The following CTNNA2 variants were observed in gnomAD, a reference collection of about 807,000 sequenced individuals.
CTNNA2 encodes the protein catenin alpha 2, also known as catenin alpha-2.
Under a neutral mutation model 101.0 loss-of-function variants are expected in CTNNA2, and 42 were observed. That is an observed-to-expected ratio of 0.42 (90% confidence interval 0.32 to 0.54). CTNNA2 has a LOEUF of 0.54. Ranked by LOEUF, CTNNA2 falls within the 20% of genes least tolerant of loss-of-function variation. The probability of loss-of-function intolerance (pLI) is 0.14; values close to 1 mark genes in which losing one functional copy is unlikely to be tolerated. For missense variants in CTNNA2, 871 were observed against 1,223.1 expected (o/e 0.71, Z 4.29); for synonymous variants, 450 against 456.4 (o/e 0.99, Z 0.18).
At chr2:80,149,771 G>T (rs1703574199) in intron 7 of CTNNA2, among the ~76,000 whole-genome samples, 1 of 113,158 alleles carries the variant, frequency 8.8e-6, no homozygotes, top group Non-Finnish European at 1.8e-5. Context: ...CGATTAGAAT[G>T]GATCACACAC....
intron 13 of CTNNA2, chr2:80,579,438 T>C (rs1281407784): frequency 6.6e-6 from 1 of 152,194 alleles, no homozygotes; most frequent in Non-Finnish European, 1.5e-5. Context: ...TGTCATCTCA[T>C]CTGTCAGCTG....
At chr2:80,214,940 G>C (rs1049783759) in intron 7 of CTNNA2, among the ~76,000 whole-genome samples, 1 of 152,090 alleles carries the variant, frequency 6.6e-6, no homozygotes, top group African/African-American at 2.4e-5. Context: ...CATATTTCTT[G>C]GAGCCTTTGT....
intron 7 of CTNNA2, among the ~76,000 whole-genome samples, chr2:80,317,460 T>C (rs1678236748): frequency 1.3e-5 from 2 of 152,116 alleles, no homozygotes; most frequent in Non-Finnish European, 2.9e-5. Context: ...TGATATAAAG[T>C]GATTTTTCTG....
intron 1 of CTNNA2, among the ~76,000 whole-genome samples, chr2:79,564,499 T>C (rs115572630): frequency 0.018 from 2,767 of 152,208 alleles, 42 homozygotes; most frequent in Non-Finnish European, 0.028. Flanking sequence ...GTGAAGATGA[T>C]TGAATTTTCT....
At chr2:79,440,869 T>A (rs1363992379) in intron 4 of CTNNA2, among the ~76,000 whole-genome samples, 1 of 152,154 alleles carries the variant, frequency 6.6e-6, no homozygotes, top group East Asian at 1.9e-4. Flanking sequence ...TGTCATCCAG[T>A]TTCATGGCTT....
At position 79,943,997 on chromosome 2, in the gene CTNNA2, A is replaced by G. The variant is rs1368532015; in HGVS notation, c.1056+34200A>G. ...AGAATGAGTTCACCCATTAATTAATATGCCAATTTTTCTTCCCTTGTGTCT... is the reference window on the plus strand; with the variant it reads ...AGAATGAGTTCACCCATTAATTAATGTGCCAATTTTTCTTCCCTTGTGTCT... On this transcript the variant is annotated intron_variant, in intron 7 of 18. Transcript: ENST00000402739. Among the ~76,000 whole-genome samples the G allele has an allele frequency of 2.6e-5, 4 of 152,238 alleles. No individual in the cohort carries two copies. The East Asian group carries it at 7.7e-4, about 29-fold the overall frequency.
intron 4 of CTNNA2, among the ~76,000 whole-genome samples, chr2:79,438,047 T>A (rs1678736260): frequency 6.6e-6 from 1 of 152,004 alleles, no homozygotes; most frequent in South Asian, 2.1e-4. Flanking sequence ...GAGGAGAGGG[T>A]CAAAGGCAGC....
At chr2:80,011,908 T>C (rs1292989750) in intron 7 of CTNNA2, among the ~76,000 whole-genome samples, 1 of 152,202 alleles carries the variant, frequency 6.6e-6, no homozygotes, top group African/African-American at 2.4e-5. Flanking sequence ...AGGTGTGCCA[T>C]GTTTGAATAA....
At chr2:79,403,107 T>C (rs1055940566) in intron 4 of CTNNA2, among the ~76,000 whole-genome samples, 1 of 151,600 alleles carries the variant, frequency 6.6e-6, no homozygotes, top group African/African-American at 2.4e-5. Context: ...AAAGATATAA[T>C]AAAAACTAAA....
chr2:80,491,300 T>C (rs755008098), intron 9 of CTNNA2, among the ~76,000 whole-genome samples: 2 of 152,198 alleles, frequency 1.3e-5, no homozygotes, highest in African/African-American at 2.4e-5. Context: ...GAATGGCCCC[T>C]ATTCCCTTGA....
chr2:79,990,510 T>TA, intron 7 of CTNNA2, among the ~76,000 whole-genome samples: 1 of 152,286 alleles, frequency 6.6e-6, no homozygotes, highest in East Asian at 1.9e-4. Context: ...CTCCTCCACT[T>TA]ACTAGCTGTG....
intron 1 of CTNNA2, among the ~76,000 whole-genome samples, chr2:79,601,936 A>G (rs1158013028): frequency 6.6e-6 from 1 of 152,234 alleles, no homozygotes; most frequent in Non-Finnish European, 1.5e-5. Context: ...ACATGCTCAG[A>G]ACACTCGTGT....
intron 12 of CTNNA2, among the ~76,000 whole-genome samples, chr2:80,570,927 T>C (rs1191141118): frequency 6.6e-6 from 1 of 152,174 alleles, no homozygotes; most frequent in South Asian, 2.1e-4. Flanking sequence ...AGATGTATTC[T>C]GAGTTGCAGA....
In CTNNA2 at chr2:79,217,492, C is replaced by T. The variant is rs1276354338; in HGVS notation, c.-406+19416C>T. On this transcript the variant is annotated intron_variant, in intron 2 of 21. Transcript: ENST00000466387. ...TTACAGTCAAAGGGGGGTTCTCTGG[C>T]GGGCAGGAGTGGGGGCCACAAGGTG... Among the ~76,000 whole-genome samples, 5 of 151,254 alleles carry T rather than the reference C, an allele frequency of 3.3e-5. No individual in the cohort carries two copies. In the South Asian group the frequency reaches 6.3e-4, roughly 19 times the overall value.
rs569017035 is a variant in CTNNA2, at chr2:79,757,271, C to A, written c.298+12689C>A. Among the ~76,000 whole-genome samples the A allele has an allele frequency of 5.7e-3, 866 of 151,992 alleles. 7 individuals carry two copies. Among genetic ancestry groups the A allele is most frequent in the African/African-American group, 0.02 (810 of 41,458 alleles). ...TGAGCAGAGCATAATAATAAAAAAACCATAATCACAAACCTTTCTGTTGAT... is the reference window on the plus strand; with the variant it reads ...TGAGCAGAGCATAATAATAAAAAAAACATAATCACAAACCTTTCTGTTGAT... On this transcript the variant is annotated intron_variant, in intron 3 of 18. Transcript: ENST00000402739.
At chr2:79,446,139 T>C (rs756766041) in intron 4 of CTNNA2, among the ~76,000 whole-genome samples, 3 of 151,970 alleles carry the variant, frequency 2.0e-5, no homozygotes, top group Non-Finnish European at 4.4e-5. Context: ...CTTTTTTCCA[T>C]AAAGAGGTCC....
chr2:80,228,527 G>A (rs532682093), intron 7 of CTNNA2, among the ~76,000 whole-genome samples: 133 of 152,190 alleles, frequency 8.7e-4, no homozygotes, highest in South Asian at 1.2e-3. Context: ...CAAATATTCA[G>A]GCCATAGCAG....
At chr2:79,329,100 AG>A (rs1676813459) in intron 3 of CTNNA2, among the ~76,000 whole-genome samples, 1 of 152,152 alleles carries the variant, frequency 6.6e-6, no homozygotes, top group Non-Finnish European at 1.5e-5. Flanking sequence ...ACATATGCAA[AG>A]ACCCTATTTC....
At chr2:79,914,098 C>T (rs1574297886) in intron 7 of CTNNA2, among the ~76,000 whole-genome samples, 1 of 137,198 alleles carries the variant, frequency 7.3e-6, no homozygotes, top group Non-Finnish European at 1.5e-5. Flanking sequence ...ACCCGGGAGG[C>T]GGAGCTTGCA....
Sources: allele counts gnomAD v4.1 joint callset (sites outside exome capture counted in the v4.1 genomes callset), GRCh38; gene constraint gnomAD v4.1.1; transcripts MANE v1.5; gene names NCBI Gene and HGNC (gene_info 2026-07-23, HGNC 2026-07-21).